Variants in P2RY14 observed in about 807,000 individuals in gnomAD.
P2RY14 encodes the protein P2Y purinoceptor 14.
In P2RY14, 2 loss-of-function variants were observed where a neutral mutation model predicts 0.9. That is an observed-to-expected ratio of 2.16 (90% confidence interval 0.88 to 6.79). The LOEUF is 6.79. Among genes scored for constraint, P2RY14 ranks in the 30% most tolerant of loss-of-function variants. The pLI, the probability that P2RY14 is intolerant of heterozygous loss-of-function variation, is 0.05. For missense variants in P2RY14, 378 were observed against 400.1 expected (o/e 0.94, Z 0.47); for synonymous variants, 158 against 147.2 (o/e 1.07, Z -0.53).
At chr3:151,225,507 T>C (rs1029360337) in intron 1 of P2RY14, among the ~76,000 whole-genome samples, 1 of 152,142 alleles carries the variant, frequency 6.6e-6, no homozygotes, top group Non-Finnish European at 1.5e-5. Flanking sequence ...TCACGAGGCC[T>C]TTGCTATCAT....
At chr3:151,261,451 T>C (rs1469550433) in intron 1 of P2RY14, 1 of 152,118 alleles carries the variant, frequency 6.6e-6, no homozygotes, top group Non-Finnish European at 1.5e-5. Flanking sequence ...GGGTAAGTAA[T>C]GGAGAAACAG....
intron 1 of P2RY14, among the ~76,000 whole-genome samples, chr3:151,255,574 C>T (rs556368976): frequency 8.5e-5 from 13 of 152,234 alleles, no homozygotes; most frequent in East Asian, 5.8e-4. Flanking sequence ...ACTGAACACA[C>T]GCGATTTTTC....
chr3:151,248,733 A>G (rs1347958731), intron 1 of P2RY14: 1 of 152,202 alleles, frequency 6.6e-6, no homozygotes, highest in Non-Finnish European at 1.5e-5. Context: ...AAAGTCTTGC[A>G]TAGCCTATAA....
intron 1 of P2RY14, among the ~76,000 whole-genome samples, chr3:151,244,297 A>G (rs1374809240): frequency 1.6e-5 from 2 of 127,440 alleles, no homozygotes; most frequent in Admixed American, 8.4e-5. Context: ...TCTCCACCCC[A>G]AATCAACAGA....
chr3:151,214,238 C>G lies in P2RY14; in HGVS notation c.79G>C (p.Val27Leu). The G allele has an allele frequency of 6.2e-7, 1 of 1,613,930 alleles. No individual in the cohort carries two copies. Among genetic ancestry groups the G allele is most frequent in the Non-Finnish European group, 8.5e-7 (1 of 1,179,866 alleles). The part of the protein sequence containing the change: ...NLLITQQIIP[V>L]LYCMVFIAGI... ...GCAATGAAGACCATACAGTACAGCA[C>G]AGGAATGATCTGCTGAGTGATCAGG... The change falls in exon 3 of 3, where the codon GTG becomes CTG. Residue 27 changes from valine (V) to leucine (L), a missense_variant. Val to Leu is a conservative substitution (Grantham distance 32). Transcript: ENST00000309170.
chr3:151,273,223 T>A lies in P2RY14; in HGVS notation c.-133+5064A>T, dbSNP rs969196486. ...GCAATGACAGCAATAAACATTGTTGTGTTCTTTTTTTTTTTTTTTTTTTTT... is the reference window on the plus strand; with the variant it reads ...GCAATGACAGCAATAAACATTGTTGAGTTCTTTTTTTTTTTTTTTTTTTTT... On this transcript the variant is annotated intron_variant, in intron 1 of 2. Transcript: ENST00000309170. 2.0e-5 allele frequency among the ~76,000 whole-genome samples: 3 copies of A among 146,846 alleles called. No individual in the cohort carries two copies. The Admixed American group carries it at 2.1e-4, about 10-fold the overall frequency.
intron 1 of P2RY14, among the ~76,000 whole-genome samples, chr3:151,258,716 G>T (rs1475723223): frequency 6.6e-6 from 1 of 152,130 alleles, no homozygotes; most frequent in Non-Finnish European, 1.5e-5. Context: ...GCCAGGTGTG[G>T]TGGTGCATGC....
intron 1 of P2RY14, among the ~76,000 whole-genome samples, chr3:151,238,746 T>G (rs534655230): frequency 6.6e-6 from 1 of 152,342 alleles, no homozygotes; most frequent in East Asian, 1.9e-4. Flanking sequence ...TACTAGTTTT[T>G]ATTAAATCTC....
At chr3:151,274,462 C>A (rs751562717) in intron 1 of P2RY14, among the ~76,000 whole-genome samples, 2 of 152,034 alleles carry the variant, frequency 1.3e-5, no homozygotes, top group Non-Finnish European at 2.9e-5. Context: ...GCAGTGAAAT[C>A]CTTGTGCAGA....
chr3:151,235,131 G>A (rs1732471347), intron 1 of P2RY14, among the ~76,000 whole-genome samples: 1 of 152,098 alleles, frequency 6.6e-6, no homozygotes, highest in African/African-American at 2.4e-5. Flanking sequence ...TAGGTATTTT[G>A]GTCCAGTGGA....
At chr3:151,256,828 T>TC (rs397954176) in intron 1 of P2RY14, among the ~76,000 whole-genome samples, 5 of 151,504 alleles carry the variant, frequency 3.3e-5, no homozygotes, top group Non-Finnish European at 7.4e-5. Flanking sequence ...TTTTTTTTTT[T>TC]CTTGGTGGGA....
intron 1 of P2RY14, among the ~76,000 whole-genome samples, chr3:151,223,279 T>C (rs1729778688): frequency 6.6e-6 from 1 of 151,692 alleles, no homozygotes; most frequent in South Asian, 2.1e-4. Context: ...GAAAGCAGTG[T>C]AGAGATTTCT....
At chr3:151,217,710 A>G (rs1488903495) in intron 2 of P2RY14, among the ~76,000 whole-genome samples, 1 of 152,226 alleles carries the variant, frequency 6.6e-6, no homozygotes, top group Admixed American at 6.5e-5. Context: ...TCTTAAAGGA[A>G]CACTCTAAAG....
intron 1 of P2RY14, among the ~76,000 whole-genome samples, chr3:151,277,777 T>C (rs1242769263): frequency 6.6e-6 from 1 of 152,240 alleles, no homozygotes; most frequent in African/African-American, 2.4e-5. Context: ...TTTTAGTAGG[T>C]GTTAATGGGG....
intron 1 of P2RY14, among the ~76,000 whole-genome samples, chr3:151,264,766 CGTGTGTGTGTAT>C (rs1201368701): frequency 2.0e-5 from 3 of 151,988 alleles, no homozygotes; most frequent in Admixed American, 6.6e-5. Context: ...CCACCCAGTG[CGTGTGTGTGTAT>C]GTGTGTGTGT....
intron 1 of P2RY14, among the ~76,000 whole-genome samples, chr3:151,227,677 C>G (rs116219144): frequency 6.6e-6 from 1 of 152,136 alleles, no homozygotes; most frequent in Non-Finnish European, 1.5e-5. Context: ...GCAGTCTTCC[C>G]GAATGGCAAA....
intron 1 of P2RY14, among the ~76,000 whole-genome samples, chr3:151,274,715 T>C (rs1038396542): frequency 3.9e-5 from 6 of 152,206 alleles, no homozygotes; most frequent in African/African-American, 1.4e-4. Flanking sequence ...TGTAATCTTA[T>C]AAGTTATAAT....
At chr3:151,230,967 A>G (rs752445228) in intron 1 of P2RY14, among the ~76,000 whole-genome samples, 16 of 152,216 alleles carry the variant, frequency 1.1e-4, no homozygotes, top group Non-Finnish European at 2.2e-4. Flanking sequence ...ACATCTTTTG[A>G]TCAGAAAGCA....
At chr3:151,276,424 A>G (rs944677958) in intron 1 of P2RY14, among the ~76,000 whole-genome samples, 2 of 152,250 alleles carry the variant, frequency 1.3e-5, no homozygotes, top group Admixed American at 6.5e-5. Context: ...AGCCTTCTGC[A>G]GGTGAGGATG....
Sources: gnomAD v4.1 joint callset for allele counts (sites outside exome capture counted in the v4.1 genomes callset) on GRCh38, gnomAD v4.1.1 for gene constraint, MANE v1.5 for transcripts, NCBI Gene and HGNC (gene_info 2026-07-23, HGNC 2026-07-21) for gene names.